Variants in TMEM132D observed in about 807,000 individuals in gnomAD.
TMEM132D encodes the protein transmembrane protein 132D.
Under a neutral mutation model 62.3 loss-of-function variants are expected in TMEM132D, and 21 were observed. That is an observed-to-expected ratio of 0.34 (90% CI 0.24 to 0.49). The LOEUF is 0.49. TMEM132D is among the 20% of genes least tolerant of loss of function. TMEM132D has a pLI of 0.99. For synonymous variants in TMEM132D, 621 were observed against 575.6 expected (o/e 1.08, Z -1.13); for missense variants, 1,346 against 1,402.8 (o/e 0.96, Z 0.65).
Position 129,078,521 on chromosome 12 carries a change from C to CCCT in TMEM132D, c.2115+10_2115+12dup, listed in dbSNP as rs1565956205. On this transcript the variant is annotated intron_variant, in intron 8 of 8. Transcript: ENST00000422113. ...GGACCCTGCTGAAGTGTGTCTCAAG[C>CCCT]CCTCCTCCATACCTGTTTTGGCCTC... 2.5e-6 allele frequency: 4 copies of CCCT among 1,609,586 alleles called. No homozygotes were observed. The highest frequency in any genetic ancestry group is 3.4e-6 in the Non-Finnish European group (4 of 1,177,452).
chr12:129,847,041 G>T lies in TMEM132D; in HGVS notation c.79+56220C>A, dbSNP rs1366050686. On this transcript the variant is annotated intron_variant, in intron 1 of 8. Coordinates refer to ENST00000422113, the MANE Select transcript of TMEM132D (RefSeq NM_133448.3). ...GGATTACGTTAATTTACCCCAGAGAGAATTTATTTTGTTGCAAGCAGGCAA... is the reference window on the plus strand; with the variant it reads ...GGATTACGTTAATTTACCCCAGAGATAATTTATTTTGTTGCAAGCAGGCAA... Among the ~76,000 whole-genome samples, 3 of 152,290 alleles carry T rather than the reference G, an allele frequency of 2.0e-5. No homozygotes were observed. The East Asian group carries it at 5.8e-4, about 29-fold the overall frequency.
intron 4 of TMEM132D, among the ~76,000 whole-genome samples, chr12:129,234,624 A>G (rs866635974): frequency 1.2e-4 from 19 of 152,344 alleles, no homozygotes; most frequent in African/African-American, 4.6e-4. Context: ...AAAATGAAGC[A>G]TAGTGCATGA....
intron 3 of TMEM132D, among the ~76,000 whole-genome samples, chr12:129,453,079 CT>C (rs1189157074): frequency 1.3e-5 from 2 of 152,168 alleles, no homozygotes; most frequent in Non-Finnish European, 2.9e-5. Flanking sequence ...AGCACAAACC[CT>C]ATTGTGAACT....
At chr12:129,112,592 G>A (rs1437082811) in intron 5 of TMEM132D, among the ~76,000 whole-genome samples, 2 of 152,222 alleles carry the variant, frequency 1.3e-5, no homozygotes, top group African/African-American at 4.8e-5. Context: ...GAACCTGGGA[G>A]GCAGAGGTTG....
chr12:129,425,754 GT>G (rs1398487645), intron 3 of TMEM132D, among the ~76,000 whole-genome samples: 3 of 152,150 alleles, frequency 2.0e-5, no homozygotes, highest in Non-Finnish European at 4.4e-5. Context: ...TTCTACTGAG[GT>G]CATTACCTGC....
chr12:129,101,050 C>T (rs1469144649), intron 5 of TMEM132D, among the ~76,000 whole-genome samples: 1 of 151,490 alleles, frequency 6.6e-6, no homozygotes, highest in African/African-American at 2.4e-5. Flanking sequence ...CAGCGCTAGG[C>T]GGTGGCAGGG....
At chr12:129,729,005 T>C (rs552769520) in intron 1 of TMEM132D, among the ~76,000 whole-genome samples, 9 of 152,340 alleles carry the variant, frequency 5.9e-5, no homozygotes, top group African/African-American at 2.2e-4. Context: ...TGCCAGTATT[T>C]ATAAAACAAA....
intron 2 of TMEM132D, among the ~76,000 whole-genome samples, chr12:129,540,948 T>A (rs994720468): frequency 6.6e-6 from 1 of 152,192 alleles, no homozygotes; most frequent in Non-Finnish European, 1.5e-5. Context: ...ATTCAACACT[T>A]TTTGAGTGCT....
chr12:129,473,866 A>G (rs1245766582), intron 3 of TMEM132D, among the ~76,000 whole-genome samples: 1 of 152,238 alleles, frequency 6.6e-6, no homozygotes, highest in Non-Finnish European at 1.5e-5. Flanking sequence ...CACCTGGTAC[A>G]TAGTAGATGC....
intron 5 of TMEM132D, among the ~76,000 whole-genome samples, chr12:129,163,612 T>C (rs573315882): frequency 6.6e-6 from 1 of 152,162 alleles, no homozygotes; most frequent in African/African-American, 2.4e-5. Flanking sequence ...GGACAAAGCT[T>C]CCCCTCCCTG....
intron 2 of TMEM132D, among the ~76,000 whole-genome samples, chr12:129,672,010 G>C (rs1880511520): frequency 1.3e-5 from 2 of 152,210 alleles, no homozygotes. Context: ...TCCAGCAAAA[G>C]AATTCTGCCT....
At chr12:129,477,933 T>A (rs1874319805) in intron 3 of TMEM132D, among the ~76,000 whole-genome samples, 1 of 152,140 alleles carries the variant, frequency 6.6e-6, no homozygotes, top group Non-Finnish European at 1.5e-5. Flanking sequence ...GTTATATGTG[T>A]CCTCAGGCAA....
chr12:129,275,708 A>T (rs1880984984), intron 4 of TMEM132D, among the ~76,000 whole-genome samples: 1 of 152,224 alleles, frequency 6.6e-6, no homozygotes, highest in African/African-American at 2.4e-5. Context: ...CTCAGGTCCC[A>T]TGTGAGTTGC....
intron 2 of TMEM132D, among the ~76,000 whole-genome samples, chr12:129,567,611 C>T (rs1231884899): frequency 1.3e-5 from 2 of 152,210 alleles, no homozygotes; most frequent in South Asian, 2.1e-4. Context: ...CTAAGTCAGA[C>T]ATTAAAGACA....
At chr12:129,369,793 G>A (rs1870537798) in intron 3 of TMEM132D, among the ~76,000 whole-genome samples, 1 of 152,282 alleles carries the variant, frequency 6.6e-6, no homozygotes, top group Non-Finnish European at 1.5e-5. Flanking sequence ...TAGGAAAAGG[G>A]AGGGAAGAGG....
At chr12:129,629,831 C>T (rs1166120857) in intron 2 of TMEM132D, among the ~76,000 whole-genome samples, 1 of 152,156 alleles carries the variant, frequency 6.6e-6, no homozygotes, top group Non-Finnish European at 1.5e-5. Flanking sequence ...CCTAGCTTGG[C>T]TTGTGTTTGG....
At chr12:129,778,894 A>T (rs1871030902) in intron 1 of TMEM132D, among the ~76,000 whole-genome samples, 1 of 152,180 alleles carries the variant, frequency 6.6e-6, no homozygotes, top group African/African-American at 2.4e-5. Context: ...GCCTGTGGCA[A>T]CAGACACTGG....
At chr12:129,653,799 C>T (rs1398017599) in intron 2 of TMEM132D, among the ~76,000 whole-genome samples, 3 of 152,176 alleles carry the variant, frequency 2.0e-5, no homozygotes, top group Non-Finnish European at 2.9e-5. Context: ...TTAGATCTTA[C>T]GTGAGCCGGT....
chr12:129,864,861 T>A (rs12811810), intron 1 of TMEM132D, among the ~76,000 whole-genome samples: 2 of 152,124 alleles, frequency 1.3e-5, no homozygotes, highest in Non-Finnish European at 2.9e-5. Flanking sequence ...ATAGTCCGTG[T>A]CCTCTGAGTG....
Sources: gnomAD v4.1 joint callset for allele counts (sites outside exome capture counted in the v4.1 genomes callset) on GRCh38, gnomAD v4.1.1 for gene constraint, MANE v1.5 for transcripts, NCBI Gene and HGNC (gene_info 2026-07-23, HGNC 2026-07-21) for gene names.